Variants in OTUD7A observed in about 807,000 individuals in gnomAD.
The protein encoded by OTUD7A is OTU domain-containing protein 7A.
OTUD7A carries 12 observed loss-of-function variants against 65.7 expected under a neutral mutation model. The observed-to-expected ratio is 0.18, with a 90% CI of 0.12 to 0.30. OTUD7A has a LOEUF of 0.30. OTUD7A is among the 10% of genes least tolerant of loss of function. The pLI is 1.00. For synonymous variants in OTUD7A, 641 were observed against 586.3 expected (o/e 1.09, Z -1.35); for missense variants, 1,148 against 1,304.8 (o/e 0.88, Z 1.85).
intron 3 of OTUD7A, among the ~76,000 whole-genome samples, chr15:31,607,666 C>A (rs1297457265): frequency 6.6e-6 from 1 of 152,012 alleles, no homozygotes; most frequent in African/African-American, 2.4e-5. Flanking sequence ...AATGTATTAC[C>A]TTTTCTATAT....
chr15:31,858,765 C>A (rs1595819565), intron 1 of OTUD7A, among the ~76,000 whole-genome samples: 1 of 152,190 alleles, frequency 6.6e-6, no homozygotes, highest in East Asian at 1.9e-4. Flanking sequence ...GCTGTGTTAG[C>A]CTCGGCAGAG....
rs2042024876 is a variant in OTUD7A, at chr15:31,527,082, G to C, written c.780+99C>G. 1.0e-5 allele frequency: 16 copies of C among 1,530,038 alleles called. No individual in the cohort carries two copies. In the Middle Eastern group the frequency reaches 7.0e-4, roughly 67 times the overall value. 94.8% of individuals were successfully genotyped at this position (1,530,038 alleles called of 1,614,324 possible). A position where few individuals can be genotyped will look rare whatever the true frequency, so the allele number is the denominator to read the frequency against. On this transcript the variant is annotated intron_variant, in intron 7 of 12. Coordinates refer to ENST00000307050, the MANE Select transcript of OTUD7A (RefSeq NM_001382637.1). ...GGCTGTTTCTGCCTTCCCCTCATAA[G>C]ACTGTCTGGGGCCTGGAGGCCATGC...
chr15:31,737,777 C>G (rs1894231789), intron 1 of OTUD7A, among the ~76,000 whole-genome samples: 1 of 152,200 alleles, frequency 6.6e-6, no homozygotes. Context: ...GACTATCACA[C>G]AGCATTCGAG....
intron 3 of OTUD7A, among the ~76,000 whole-genome samples, chr15:31,582,563 A>G (rs576829616): frequency 6.6e-6 from 1 of 152,238 alleles, no homozygotes; most frequent in Non-Finnish European, 1.5e-5. Flanking sequence ...AATGAGGAGC[A>G]AAGTCAAGTC....
intron 1 of OTUD7A, chr15:31,767,705 T>A (rs1251350764): frequency 1.4e-6 from 1 of 721,852 alleles, no homozygotes; most frequent in Non-Finnish European, 2.6e-6. Flanking sequence ...TTGATCTTCA[T>A]TTATTATTTC....
chr15:31,660,870 AG>A (rs1892142434), intron 1 of OTUD7A, among the ~76,000 whole-genome samples: 1 of 152,230 alleles, frequency 6.6e-6, no homozygotes, highest in African/African-American at 2.4e-5. Flanking sequence ...GTAGGAACTG[AG>A]GAAGGCTCCA....
intron 1 of OTUD7A, among the ~76,000 whole-genome samples, chr15:31,759,528 A>AT (rs1179918313): frequency 3.3e-5 from 5 of 152,172 alleles, no homozygotes; most frequent in Non-Finnish European, 7.4e-5. Flanking sequence ...CCACATTGGC[A>AT]TGCATTTTTG....
intron 1 of OTUD7A, among the ~76,000 whole-genome samples, chr15:31,834,710 C>T (rs947699134): frequency 6.6e-6 from 1 of 152,204 alleles, no homozygotes; most frequent in Non-Finnish European, 1.5e-5. Flanking sequence ...TGGTTGACAA[C>T]TTAAGTAAAG....
At chr15:31,657,681 C>G (rs867418723) in intron 1 of OTUD7A, among the ~76,000 whole-genome samples, 2 of 152,104 alleles carry the variant, frequency 1.3e-5, no homozygotes, top group Non-Finnish European at 2.9e-5. Flanking sequence ...ATTTCTTAAA[C>G]CTCACACTGC....
chr15:31,862,570 C>T (rs1004343791), intron 1 of OTUD7A, among the ~76,000 whole-genome samples: 7 of 152,118 alleles, frequency 4.6e-5, no homozygotes, highest in Non-Finnish European at 8.8e-5. Flanking sequence ...GAAGCAAAAG[C>T]GGAAACCCCT....
intron 1 of OTUD7A, among the ~76,000 whole-genome samples, chr15:31,792,470 C>T (rs1016866719): frequency 6.6e-5 from 10 of 152,172 alleles, no homozygotes; most frequent in African/African-American, 2.2e-4. Flanking sequence ...CCCCATATTC[C>T]CTGACTTGGG....
At chr15:31,669,464 C>T (rs1240464596) in intron 1 of OTUD7A, among the ~76,000 whole-genome samples, 1 of 152,194 alleles carries the variant, frequency 6.6e-6, no homozygotes, top group African/African-American at 2.4e-5. Flanking sequence ...ACCCAGCTGC[C>T]ATGCAGTCCG....
At chr15:31,493,785 T>C (rs1254357874) in intron 10 of OTUD7A, among the ~76,000 whole-genome samples, 1 of 152,208 alleles carries the variant, frequency 6.6e-6, no homozygotes, top group Non-Finnish European at 1.5e-5. Context: ...TCATGGGAAA[T>C]TAACGAATAG....
intron 3 of OTUD7A, among the ~76,000 whole-genome samples, chr15:31,586,285 C>T (rs1027500623): frequency 6.6e-6 from 1 of 152,238 alleles, no homozygotes; most frequent in Non-Finnish European, 1.5e-5. Context: ...AATGAATTTA[C>T]CCTGAATTTA....
At chr15:31,831,334 C>A (rs1896925985) in intron 1 of OTUD7A, among the ~76,000 whole-genome samples, 1 of 152,304 alleles carries the variant, frequency 6.6e-6, no homozygotes, top group African/African-American at 2.4e-5. Flanking sequence ...CCCCAAAAAA[C>A]TAGCTGCAAG....
Position 31,645,762 on chromosome 15 carries a change from C to T in OTUD7A, c.151+9334G>A, listed in dbSNP as rs190503713. ...ACAGATCTCTTAAGCCTTTTTTAAT[C>T]TACAGCACAGGTTGGCAAACTACTG... On this transcript the variant is annotated intron_variant, in intron 3 of 12. Transcript: ENST00000307050. Among the ~76,000 whole-genome samples the T allele has an allele frequency of 2.4e-3, 366 of 152,270 alleles. 2 individuals are homozygous for T. The highest frequency in any genetic ancestry group is 4.1e-3 in the Non-Finnish European group (282 of 68,012).
At chr15:31,499,428 T>C (rs1468031097) in intron 10 of OTUD7A, among the ~76,000 whole-genome samples, 1 of 152,224 alleles carries the variant, frequency 6.6e-6, no homozygotes, top group Non-Finnish European at 1.5e-5. Flanking sequence ...CCTGCGACTT[T>C]GCGGTCTGGC....
chr15:31,651,849 C>T (rs895715824), intron 3 of OTUD7A, among the ~76,000 whole-genome samples: 3 of 151,670 alleles, frequency 2.0e-5, no homozygotes, highest in Non-Finnish European at 4.4e-5. Flanking sequence ...TTAATGGAGG[C>T]CCAAGCAAAT....
intron 2 of OTUD7A, among the ~76,000 whole-genome samples, chr15:31,655,515 A>T (rs1197805352): frequency 6.6e-6 from 1 of 151,488 alleles, no homozygotes; most frequent in East Asian, 1.9e-4. Flanking sequence ...GTTCCCTCCC[A>T]AAATTCATAT....
Sources: gnomAD v4.1 joint callset for allele counts (sites outside exome capture counted in the v4.1 genomes callset) on GRCh38, gnomAD v4.1.1 for gene constraint, MANE v1.5 for transcripts, NCBI Gene and HGNC (gene_info 2026-07-23, HGNC 2026-07-21) for gene names.